The following IL26 variants were observed in gnomAD, a reference collection of about 807,000 sequenced individuals.
The protein encoded by IL26 is interleukin-26.
Under a neutral mutation model 21.7 loss-of-function variants are expected in IL26, and 23 were observed. That is an observed-to-expected ratio of 1.06 (90% CI 0.76 to 1.50). The LOEUF is 1.50. IL26 is among the 40% of genes most tolerant of loss of function. The pLI is 0.00. For missense variants in IL26, 204 were observed against 196.0 expected (o/e 1.04, Z -0.24); for synonymous variants, 63 against 67.8 (o/e 0.93, Z 0.34).
intron 3 of IL26, among the ~76,000 whole-genome samples, chr12:68,223,357 G>T (rs1869116572): frequency 6.6e-6 from 1 of 152,132 alleles, no homozygotes. Context: ...CAACCAACCA[G>T]AGCGGCGCCA....
At chr12:68,215,410 A>G (rs1197681879) in intron 3 of IL26, among the ~76,000 whole-genome samples, 1 of 152,120 alleles carries the variant, frequency 6.6e-6, no homozygotes, top group East Asian at 1.9e-4. Context: ...AGGCCTCAGG[A>G]ACTGTCTTAT....
At chr12:68,214,962 G>A (rs1258601558) in intron 3 of IL26, among the ~76,000 whole-genome samples, 1 of 148,312 alleles carries the variant, frequency 6.7e-6, no homozygotes, top group Non-Finnish European at 1.5e-5. Context: ...ATTTTCTTTG[G>A]CAGTATGTTT....
chr12:68,210,853 C>G (rs189841309), intron 3 of IL26, among the ~76,000 whole-genome samples: 3 of 152,170 alleles, frequency 2.0e-5, no homozygotes, highest in Admixed American at 2.0e-4. Context: ...TTACATTTTT[C>G]AGTGTTATTG....
chr12:68,208,752 C>G (rs1418907440), intron 3 of IL26, among the ~76,000 whole-genome samples: 1 of 152,140 alleles, frequency 6.6e-6, no homozygotes, highest in East Asian at 1.9e-4. Flanking sequence ...CCACCCGCCT[C>G]TGCCTCCCAA....
intron 3 of IL26, among the ~76,000 whole-genome samples, chr12:68,217,501 C>G (rs938568250): frequency 6.6e-6 from 1 of 152,100 alleles, no homozygotes; most frequent in South Asian, 2.1e-4. Context: ...AAGTATTTAA[C>G]CTGGCTTTCT....
rs149626821 is a variant in IL26, at chr12:68,208,792, G to A, written c.364-6709C>T. 5.9e-5 allele frequency among the ~76,000 whole-genome samples: 9 copies of A among 152,196 alleles called. No homozygotes were observed. In the East Asian group the frequency reaches 7.7e-4, roughly 13 times the overall value. On this transcript the variant is annotated intron_variant, in intron 3 of 4. Coordinates refer to ENST00000229134, the MANE Select transcript of IL26 (RefSeq NM_018402.2). ...CTCGGATTACAGTGTGAGCCACCAC[G>A]CCCAGCCAGCATTTTCAATGAGCTC... is the stretch of plus-strand genomic sequence containing the variant.
chr12:68,218,135 T>C (rs1200039626), intron 3 of IL26, among the ~76,000 whole-genome samples: 1 of 152,014 alleles, frequency 6.6e-6, no homozygotes, highest in Admixed American at 6.5e-5. Flanking sequence ...TACAGAAATA[T>C]AAAAATGTCT....
intron 3 of IL26, among the ~76,000 whole-genome samples, chr12:68,222,088 C>T (rs1003925673): frequency 6.6e-6 from 1 of 152,064 alleles, no homozygotes; most frequent in Non-Finnish European, 1.5e-5. Flanking sequence ...CTTTTAATAA[C>T]TCTGGTATCC....
intron 3 of IL26, among the ~76,000 whole-genome samples, chr12:68,218,782 T>C (rs779526780): frequency 6.6e-6 from 1 of 151,914 alleles, no homozygotes; most frequent in Non-Finnish European, 1.5e-5. Context: ...CACATCATAA[T>C]CAAATTGCTT....
chr12:68,207,032 C>G (rs968708698), intron 3 of IL26, among the ~76,000 whole-genome samples: 20 of 152,152 alleles, frequency 1.3e-4, no homozygotes, highest in African/African-American at 4.8e-4. Flanking sequence ...ATATCAGGGT[C>G]TATAGATGTG....
At position 68,225,243 on chromosome 12, in the gene IL26, A is replaced by T. The variant is rs765268935; in HGVS notation, c.269T>A (p.Met90Lys). The T allele has an allele frequency of 1.2e-6, 2 of 1,613,678 alleles. No individual in the cohort carries two copies. ...TTGCAGTTGACCAAAAACGTCTTCC[A>T]TGAAGAAGGACAGAAGCTGTTCTTG... The part of the protein sequence containing the change: ...QFQEQLLSFF[M>K]EDVFGQLQLQ... The change falls in exon 3 of 5, where the codon ATG becomes AAG. Residue 90 changes from methionine to lysine, a missense_variant. By Grantham distance (95) the Met-to-Lys change is moderately conservative. Transcript: ENST00000229134.
At position 68,219,045 on chromosome 12, in the gene IL26, T is replaced by C. The variant is rs376714753; in HGVS notation, c.363+6104A>G. Among the ~76,000 whole-genome samples the C allele has an allele frequency of 5.3e-5, 8 of 151,984 alleles. No individual in the cohort carries two copies. In the East Asian group the frequency reaches 1.2e-3, roughly 22 times the overall value. ...TGTACCTAATAACAGAAATTCAAAA[T>C]ACATGAAGCAATATCTGATAGAACT... On this transcript the variant is annotated intron_variant, in intron 3 of 4. Transcript: ENST00000229134.
Position 68,210,338 on chromosome 12 carries a change from C to CAAAAAAAAAAAAAAAAAAAAAAA in IL26, c.364-8278_364-8256dup, listed in dbSNP as rs540693081. Among the ~76,000 whole-genome samples, 13 of 22,094 alleles carry CAAAAAAAAAAAAAAAAAAAAAAA rather than the reference C, an allele frequency of 5.9e-4. 2 individuals are homozygous for CAAAAAAAAAAAAAAAAAAAAAAA. Among genetic ancestry groups the CAAAAAAAAAAAAAAAAAAAAAAA allele is most frequent in the Non-Finnish European group, 9.1e-4 (9 of 9,866 alleles). The allele number at this position is 22,094 out of a possible 152,430, so 14.5% of individuals were successfully genotyped here. A position where few individuals can be genotyped will look rare whatever the true frequency, so the allele number is the denominator to read the frequency against. On this transcript the variant is annotated intron_variant, in intron 3 of 4. Coordinates refer to ENST00000229134, the MANE Select transcript of IL26 (RefSeq NM_018402.2). The stretch of plus-strand genomic sequence containing the variant: ...ACTAAATAAATAAATATCAGTTTGG[C>CAAAAAAAAAAAAAAAAAAAAAAA]AAAAAAAAAAAAAAAAAAAAAAAAA...
intron 3 of IL26, among the ~76,000 whole-genome samples, chr12:68,213,844 T>C (rs1868801553): frequency 6.6e-6 from 1 of 152,108 alleles, no homozygotes; most frequent in African/African-American, 2.4e-5. Context: ...TATTGTTTTG[T>C]AGGCTCAATT....
chr12:68,225,446 T>A lies in IL26; in HGVS notation c.226A>T (p.Met76Leu). 6.3e-7 allele frequency: 1 copy of A among 1,576,310 alleles called. No individual in the cohort carries two copies. Among genetic ancestry groups the A allele is most frequent in the Non-Finnish European group, 8.7e-7 (1 of 1,147,480 alleles). Residue 76 changes from methionine to leucine, a missense_variant and splice_region_variant, in exon 2 of 5, where the codon ATG (methionine) becomes TTG (leucine). By Grantham distance (15) the Met-to-Leu change is conservative. Coordinates refer to ENST00000229134, the MANE Select transcript of IL26 (RefSeq NM_018402.2). ...AAGAAGAAGACTTTCTGACTTACCA[T>A]AAACTGCTTTTTTGTTTTCTTTTTT... ...LLKKKTKKQF[M>L]KNCQFQEQLL...
intron 3 of IL26, among the ~76,000 whole-genome samples, chr12:68,204,551 T>C (rs1055391913): frequency 6.6e-6 from 1 of 152,146 alleles, no homozygotes; most frequent in Non-Finnish European, 1.5e-5. Flanking sequence ...GTCTTCTACC[T>C]GGGAAACTTG....
At chr12:68,218,219 A>T (rs1868944452) in intron 3 of IL26, among the ~76,000 whole-genome samples, 1 of 121,568 alleles carries the variant, frequency 8.2e-6, no homozygotes, top group Non-Finnish European at 1.7e-5. Context: ...ATGCTGTAAA[A>T]TATGACCCAT....
At chr12:68,220,000 A>T (rs1240782618) in intron 3 of IL26, among the ~76,000 whole-genome samples, 1 of 152,090 alleles carries the variant, frequency 6.6e-6, no homozygotes, top group Non-Finnish European at 1.5e-5. Flanking sequence ...GACACAAACT[A>T]CCAAGGTTCC....
chr12:68,205,849 C>A (rs997753132), intron 3 of IL26, among the ~76,000 whole-genome samples: 1 of 152,178 alleles, frequency 6.6e-6, no homozygotes, highest in African/African-American at 2.4e-5. Context: ...ATAATTGGAA[C>A]CCTTATGCCA....
Sources: allele counts gnomAD v4.1 joint callset (sites outside exome capture counted in the v4.1 genomes callset), GRCh38; gene constraint gnomAD v4.1.1; transcripts MANE v1.5; gene names NCBI Gene and HGNC (gene_info 2026-07-23, HGNC 2026-07-21).